Variants in NFATC3 observed in about 807,000 individuals in gnomAD.
NFATC3 encodes the protein nuclear factor of activated T-cells, cytoplasmic 3.
Under a neutral mutation model 98.6 loss-of-function variants are expected in NFATC3, and 46 were observed. That is an observed-to-expected ratio of 0.47 (90% CI 0.37 to 0.60). The LOEUF (loss-of-function observed/expected upper bound fraction) is 0.60, where lower values mean the gene tolerates loss of function less well. NFATC3 is among the 20% of genes least tolerant of loss of function. The pLI is 0.00. For synonymous variants in NFATC3, 512 were observed against 472.2 expected, an observed-to-expected ratio of 1.08 and a Z score of -1.09; for missense variants, 1,256 against 1,295.5, an observed-to-expected ratio of 0.97 and a Z score of 0.47.
chr16:68,221,266 A>T, intron 9 of NFATC3: 1 of 1,614,114 alleles, frequency 6.2e-7, no homozygotes, highest in Non-Finnish European at 8.5e-7. Context: ...CAGCAGGAAG[A>T]TATCTGAGGA....
intron 9 of NFATC3, among the ~76,000 whole-genome samples, chr16:68,220,791 C>T (rs1434867379): frequency 8.8e-5 from 13 of 148,560 alleles, no homozygotes; most frequent in Admixed American, 8.1e-4. Context: ...TTGTGGCGGG[C>T]GCCTATAGTC....
At chr16:68,097,193 G>A (rs767903042) in intron 1 of NFATC3, among the ~76,000 whole-genome samples, 26 of 152,096 alleles carry the variant, frequency 1.7e-4, no homozygotes, top group Non-Finnish European at 3.5e-4. Context: ...AGGTGGGGAG[G>A]GAGAAAGGTG....
At chr16:68,198,891 C>G (rs2040784825) in intron 9 of NFATC3, among the ~76,000 whole-genome samples, 1 of 151,950 alleles carries the variant, frequency 6.6e-6, no homozygotes, top group Non-Finnish European at 1.5e-5. Flanking sequence ...TACTAAAATA[C>G]AAAAAAACTA....
At chr16:68,208,300 G>A (rs1451895443) in intron 9 of NFATC3, among the ~76,000 whole-genome samples, 2 of 152,112 alleles carry the variant, frequency 1.3e-5, no homozygotes, top group African/African-American at 4.8e-5. Flanking sequence ...GCCTCCCAAA[G>A]TGCAGGGTTA....
intron 9 of NFATC3, chr16:68,217,625 A>C (rs2041688682): frequency 8.1e-7 from 1 of 1,230,450 alleles, no homozygotes; most frequent in Non-Finnish European, 1.0e-6. Flanking sequence ...TCCCAGAGAC[A>C]TTTCCACATA....
chr16:68,121,242 CTTTTTT>C (rs753615194), intron 1 of NFATC3, among the ~76,000 whole-genome samples: 18 of 102,360 alleles, frequency 1.8e-4, no homozygotes, highest in East Asian at 6.0e-4. Context: ...CTTTTCTTTT[CTTTTTT>C]TTTTTTTTTT....
intron 4 of NFATC3, among the ~76,000 whole-genome samples, chr16:68,163,564 A>G (rs1256787163): frequency 6.6e-6 from 1 of 150,516 alleles, no homozygotes; most frequent in Non-Finnish European, 1.5e-5. Context: ...TCCCTCCTGG[A>G]CGGGGTGGCT....
chr16:68,213,703 C>T (rs1415299866), intron 9 of NFATC3, among the ~76,000 whole-genome samples: 1 of 151,956 alleles, frequency 6.6e-6, no homozygotes, highest in African/African-American at 2.4e-5. Flanking sequence ...GTGGTGAGTG[C>T]CTGTAGTCCC....
chr16:68,169,444 T>A (rs1410845018), intron 5 of NFATC3, among the ~76,000 whole-genome samples: 1 of 151,944 alleles, frequency 6.6e-6, no homozygotes, highest in Non-Finnish European at 1.5e-5. Flanking sequence ...GATTTTTGCA[T>A]TTTTCCCCAT....
Position 68,099,470 on chromosome 16 carries a change from G to C in NFATC3, c.103+13686G>C, listed in dbSNP as rs1273081277. Reference sequence around the variant, plus strand: ...AAATATATTAGCCGGGCATGGTGGTGGGTGCCTGTAATCTCAGCTACTGGG... The same window carrying C: ...AAATATATTAGCCGGGCATGGTGGTCGGTGCCTGTAATCTCAGCTACTGGG... On this transcript the variant is annotated intron_variant, in intron 1 of 9. Coordinates refer to ENST00000346183, the MANE Select transcript of NFATC3 (RefSeq NM_173165.3). Among the ~76,000 whole-genome samples the C allele has an allele frequency of 2.6e-5, 4 of 151,816 alleles. No individual in the cohort carries two copies. In the East Asian group the frequency reaches 7.7e-4, roughly 29 times the overall value.
At chr16:68,172,123 G>T (rs772024148) in intron 5 of NFATC3, among the ~76,000 whole-genome samples, 1 of 151,930 alleles carries the variant, frequency 6.6e-6, no homozygotes, top group African/African-American at 2.4e-5. Context: ...GTGAGCCACC[G>T]CGCCTGGCCC....
rs943564727 is a variant in NFATC3 at position 68,121,894 on chromosome 16, T to C, written c.104-93T>C. On this transcript the variant is annotated intron_variant, in intron 1 of 9. Coordinates refer to ENST00000346183, the MANE Select transcript of NFATC3 (RefSeq NM_173165.3). ...TCCCACTTTTTTCTCTCGAGATTGTTATTATTTACTTTCTCATCTAGTAAT... is the reference window on the plus strand; with the variant it reads ...TCCCACTTTTTTCTCTCGAGATTGTCATTATTTACTTTCTCATCTAGTAAT... The C allele has an allele frequency of 4.3e-6, 6 of 1,398,854 alleles. No individual in the cohort carries two copies. The African/African-American group carries it at 8.6e-5, about 20-fold the overall frequency. 86.7% of individuals were successfully genotyped at this position (1,398,854 alleles called of 1,614,324 possible).
rs938508047 is a variant in NFATC3, at chr16:68,227,784, C to T, written c.*1313C>T. On this transcript the variant is annotated 3_prime_UTR_variant, in exon 10 of 10. Coordinates refer to ENST00000346183, the MANE Select transcript of NFATC3 (RefSeq NM_173165.3). ...CCTGCTGTCTACCAAAGGAGGTACC[C>T]GAGTTGGGTACTTTAAAAAAAAAAA... is the stretch of plus-strand genomic sequence containing the variant. The T allele has an allele frequency of 2.0e-4, 31 of 151,516 alleles. No homozygotes were observed. Among genetic ancestry groups the T allele is most frequent in the Admixed American group, 5.3e-4 (8 of 15,196 alleles). The allele number at this position is 151,516 out of a possible 1,614,324, so 9.4% of individuals were successfully genotyped here.
chr16:68,211,789 T>C (rs376211674), intron 9 of NFATC3, among the ~76,000 whole-genome samples: 2 of 152,336 alleles, frequency 1.3e-5, no homozygotes, highest in African/African-American at 2.4e-5. Flanking sequence ...CCCAAAGTGC[T>C]GGGATTACAG....
intron 3 of NFATC3, among the ~76,000 whole-genome samples, chr16:68,132,472 A>G (rs2037165859): frequency 6.6e-6 from 1 of 152,218 alleles, no homozygotes; most frequent in South Asian, 2.1e-4. Context: ...TATAGCCATG[A>G]TGGAAAACAG....
At chr16:68,104,530 A>G (rs1458800844) in intron 1 of NFATC3, among the ~76,000 whole-genome samples, 1 of 152,070 alleles carries the variant, frequency 6.6e-6, no homozygotes, top group African/African-American at 2.4e-5. Flanking sequence ...TGCCCTGGGT[A>G]GGACTCCCAG....
chr16:68,158,753 C>A (rs1411069138), intron 4 of NFATC3, among the ~76,000 whole-genome samples: 1 of 147,232 alleles, frequency 6.8e-6, no homozygotes, highest in Non-Finnish European at 1.5e-5. Context: ...GCCATGACAT[C>A]CTTATTACCA....
At chr16:68,136,914 T>C (rs2037445569) in intron 3 of NFATC3, among the ~76,000 whole-genome samples, 1 of 152,086 alleles carries the variant, frequency 6.6e-6, no homozygotes, top group Non-Finnish European at 1.5e-5. Flanking sequence ...TGGTATAAAA[T>C]ATTAAAAATA....
Position 68,191,131 on chromosome 16 carries a change from C to G in NFATC3, c.2462C>G (p.Ala821Gly), listed in dbSNP as rs1157738666. The stretch of plus-strand genomic sequence containing the variant: ...GGACCAACTTGTCTTCCTATTAATG[C>G]TGCCTCTAGTCAAGAATTTGATTCA... ...YNGPTCLPIN[A>G]ASSQEFDSVL... The change falls in exon 9 of 10, where the codon GCT becomes GGT. Residue 821 changes from alanine to glycine, a missense_variant. Physicochemically the swap from Ala to Gly is moderately conservative, Grantham distance 60 (BLOSUM62 0). This residue lies in a region of NFATC3 where 636 missense variants were observed against 617.3 expected (regional missense o/e 1.03). Transcript: ENST00000346183. 1 of 1,614,076 alleles carries G rather than the reference C, an allele frequency of 6.2e-7. No individual in the cohort carries two copies. Among genetic ancestry groups the G allele is most frequent in the Non-Finnish European group, 8.5e-7 (1 of 1,180,052 alleles).
Sources: gnomAD v4.1 joint callset for allele counts (sites outside exome capture counted in the v4.1 genomes callset) on GRCh38, gnomAD v4.1.1 for gene constraint, gnomAD v4.1.1 regional missense constraint, MANE v1.5 for transcripts, NCBI Gene and HGNC (gene_info 2026-07-23, HGNC 2026-07-21) for gene names.